The following CMC2 variants were observed in gnomAD, a reference collection of about 807,000 sequenced individuals.
The protein encoded by CMC2 is COX assembly mitochondrial protein 2 homolog.
In CMC2, 5 loss-of-function variants were observed where a neutral mutation model predicts 7.5. That is an observed-to-expected ratio of 0.66 (90% CI 0.35 to 1.40). The LOEUF is 1.40. Ranked by LOEUF, CMC2 falls within the 40% of genes most tolerant of loss-of-function variation. CMC2 has a pLI of 0.04. For missense variants in CMC2, 115 were observed against 92.3 expected (o/e 1.25, Z -1.01); for synonymous variants, 37 against 31.4 (o/e 1.18, Z -0.60).
In CMC2 at chr16:80,971,108, C is replaced by G. The variant is rs1911881380; in HGVS notation, c.*4985G>C. 1 of 152,106 alleles carries G rather than the reference C, an allele frequency of 6.6e-6. No individual in the cohort carries two copies. The highest frequency in any genetic ancestry group is 2.4e-5 in the African/African-American group (1 of 41,400). 9.4% of individuals were successfully genotyped at this position (152,106 alleles called of 1,614,324 possible). A position where few individuals can be genotyped will look rare whatever the true frequency, so the allele number is the denominator to read the frequency against. Reference sequence around the variant, plus strand: ...TGAGATCATACCACTGCACTCCAGCCTGGGTGACAGGGTGAGACTCTGTCT... The same window carrying G: ...TGAGATCATACCACTGCACTCCAGCGTGGGTGACAGGGTGAGACTCTGTCT... On this transcript the variant is annotated 3_prime_UTR_variant, in exon 4 of 4. Coordinates refer to ENST00000219400, the MANE Select transcript of CMC2 (RefSeq NM_020188.5).
chr16:81,001,859 C>A (rs959268310), intron 1 of CMC2, among the ~76,000 whole-genome samples: 2 of 152,096 alleles, frequency 1.3e-5, no homozygotes, highest in African/African-American at 2.4e-5. Flanking sequence ...CACACACACA[C>A]ACACACCACA....
intron 2 of CMC2, among the ~76,000 whole-genome samples, chr16:80,992,706 T>A (rs1968097579): frequency 4.4e-4 from 1 of 2,254 alleles, no homozygotes; most frequent in Admixed American, 9.3e-3. Flanking sequence ...TTCCCCCTCC[T>A]TTTTTTTTTT....
At position 80,971,160 on chromosome 16, in the gene CMC2, C is replaced by T. The variant is rs1022204619; in HGVS notation, c.*4933G>A. Reference sequence around the variant, plus strand: ...AAAAAACAACAACAAAAATACAAATCATAAAATCTTAAAAACATTTGGGGT... The same window carrying T: ...AAAAAACAACAACAAAAATACAAATTATAAAATCTTAAAAACATTTGGGGT... On this transcript the variant is annotated 3_prime_UTR_variant, in exon 4 of 4. Coordinates refer to ENST00000219400, the MANE Select transcript of CMC2 (RefSeq NM_020188.5). 4.6e-5 allele frequency: 7 copies of T among 152,032 alleles called. No homozygotes were observed. The highest frequency in any genetic ancestry group is 1.7e-4 in the African/African-American group (7 of 41,400). The allele number at this position is 152,032 out of a possible 1,614,324, so 9.4% of individuals were successfully genotyped here. A position where few individuals can be genotyped will look rare whatever the true frequency, so the allele number is the denominator to read the frequency against.
intron 1 of CMC2, among the ~76,000 whole-genome samples, chr16:81,003,263 A>G (rs2602415): frequency 1.3e-4 from 20 of 152,016 alleles, no homozygotes; most frequent in Admixed American, 1.2e-3. Context: ...TTAACTCAAA[A>G]TATATTTAAC....
rs1363436019 is a variant in CMC2, at chr16:80,971,598, G to T, written c.*4495C>A. 2 of 114,076 alleles carry T rather than the reference G, an allele frequency of 1.8e-5. No homozygotes were observed. Among genetic ancestry groups the T allele is most frequent in the Non-Finnish European group, 3.4e-5 (2 of 58,980 alleles). 7.1% of individuals were successfully genotyped at this position (114,076 alleles called of 1,614,324 possible). A position where few individuals can be genotyped will look rare whatever the true frequency, so the allele number is the denominator to read the frequency against. On this transcript the variant is annotated 3_prime_UTR_variant, in exon 4 of 4. Coordinates refer to ENST00000219400, the MANE Select transcript of CMC2 (RefSeq NM_020188.5). ...TATATATATATATGTATGAAATCAT[G>T]CATATATATATATGTATGAAATCAT...
rs1403906049 is a variant in CMC2 at position 80,972,149 on chromosome 16, C to G, written c.*3944G>C. On this transcript the variant is annotated 3_prime_UTR_variant, in exon 4 of 4. Transcript: ENST00000219400. ...CAGGAGACTGGTAACAATAAAGCATCCCTTTGCTTTCCCTTCACCACTTTC... is the reference window on the plus strand; with the variant it reads ...CAGGAGACTGGTAACAATAAAGCATGCCTTTGCTTTCCCTTCACCACTTTC... 1.3e-5 allele frequency: 2 copies of G among 152,238 alleles called. No individual in the cohort carries two copies. The highest frequency in any genetic ancestry group is 2.4e-5 in the African/African-American group (1 of 41,444). The allele number at this position is 152,238 out of a possible 1,614,324, so 9.4% of individuals were successfully genotyped here.
intron 2 of CMC2, among the ~76,000 whole-genome samples, chr16:80,995,239 G>T (rs1968316972): frequency 6.6e-6 from 1 of 152,172 alleles, no homozygotes; most frequent in South Asian, 2.1e-4. Context: ...CCATTAATAG[G>T]TAAATAAACT....
chr16:80,975,887 T>C lies in CMC2; in HGVS notation c.*206A>G, dbSNP rs1169854167. 2 of 463,890 alleles carry C rather than the reference T, an allele frequency of 4.3e-6. No individual in the cohort carries two copies. Among genetic ancestry groups the C allele is most frequent in the African/African-American group, 4.1e-5 (2 of 49,050 alleles). The allele number at this position is 463,890 out of a possible 1,614,324, so 28.7% of individuals were successfully genotyped here. A position where few individuals can be genotyped will look rare whatever the true frequency, so the allele number is the denominator to read the frequency against. On this transcript the variant is annotated 3_prime_UTR_variant, in exon 4 of 4. Coordinates refer to ENST00000219400, the MANE Select transcript of CMC2 (RefSeq NM_020188.5). ...AGGGAATAAACATGGTGAAGTCAGGTTTGCTGGTAAAGGGGAGACAGTACT... is the reference window on the plus strand; with the variant it reads ...AGGGAATAAACATGGTGAAGTCAGGCTTGCTGGTAAAGGGGAGACAGTACT...
At chr16:80,982,950 GA>G (rs1297723881) in intron 2 of CMC2, 2 of 183,954 alleles carry the variant, frequency 1.1e-5, no homozygotes, top group Non-Finnish European at 2.2e-5. Context: ...GACATTACAG[GA>G]AAAAGTTGAA....
rs142287888 is a variant in CMC2 at position 80,972,899 on chromosome 16, C to T, written c.*3194G>A. On this transcript the variant is annotated 3_prime_UTR_variant, in exon 4 of 4. Transcript: ENST00000219400. ...ACATCCATCTTATTCCATGGTATCA[C>T]CTGCACCCAGCACAATGCCAGAAGC... is the stretch of plus-strand genomic sequence containing the variant. 1.5e-3 allele frequency: 223 copies of T among 152,486 alleles called. No individual in the cohort carries two copies. The highest frequency in any genetic ancestry group is 5.1e-3 in the African/African-American group (214 of 41,564). The allele number at this position is 152,486 out of a possible 1,614,324, so 9.4% of individuals were successfully genotyped here. A position where few individuals can be genotyped will look rare whatever the true frequency, so the allele number is the denominator to read the frequency against.
chr16:80,969,790 T>A lies in CMC2; in HGVS notation c.*6303A>T, dbSNP rs1911794646. The A allele has an allele frequency of 6.7e-6, 1 of 149,826 alleles. No homozygotes were observed. The highest frequency in any genetic ancestry group is 2.1e-4 in the South Asian group (1 of 4,804). 9.3% of individuals were successfully genotyped at this position (149,826 alleles called of 1,614,324 possible). A position where few individuals can be genotyped will look rare whatever the true frequency, so the allele number is the denominator to read the frequency against. On this transcript the variant is annotated 3_prime_UTR_variant, in exon 4 of 4. Transcript: ENST00000219400. ...CTGTAATCCCAGCTACTTGGGAGGC[T>A]GAGGCACAAGAATCACTTGAACCCA...
intron 1 of CMC2, among the ~76,000 whole-genome samples, chr16:81,002,408 G>A (rs1358511568): frequency 6.6e-6 from 1 of 152,206 alleles, no homozygotes; most frequent in Non-Finnish European, 1.5e-5. Context: ...TTGGGTAACA[G>A]CGCAAGTCTC....
At chr16:80,976,934 A>G (rs894798154) in intron 3 of CMC2, among the ~76,000 whole-genome samples, 4 of 152,196 alleles carry the variant, frequency 2.6e-5, no homozygotes, top group Non-Finnish European at 5.9e-5. Flanking sequence ...AAAGCACTTT[A>G]ACATTAATGC....
chr16:80,980,573 A>G (rs1410333998), intron 3 of CMC2, among the ~76,000 whole-genome samples: 2 of 118,058 alleles, frequency 1.7e-5, no homozygotes, highest in African/African-American at 6.6e-5. Flanking sequence ...ATAAAGGACA[A>G]ACATTTTTAG....
rs1433702668 is a variant in CMC2, at chr16:80,975,873, A to G, written c.*220T>C. 2.3e-6 allele frequency: 1 copy of G among 434,262 alleles called. No homozygotes were observed. Among genetic ancestry groups the G allele is most frequent in the Non-Finnish European group, 4.1e-6 (1 of 244,940 alleles). The allele number at this position is 434,262 out of a possible 1,614,324, so 26.9% of individuals were successfully genotyped here. A position where few individuals can be genotyped will look rare whatever the true frequency, so the allele number is the denominator to read the frequency against. ...CTGGTTGTAGGCAAAGGGAATAAAC[A>G]TGGTGAAGTCAGGTTTGCTGGTAAA... On this transcript the variant is annotated 3_prime_UTR_variant, in exon 4 of 4. Coordinates refer to ENST00000219400, the MANE Select transcript of CMC2 (RefSeq NM_020188.5).
intron 2 of CMC2, among the ~76,000 whole-genome samples, chr16:80,986,024 C>A (rs953991294): frequency 6.6e-6 from 1 of 151,166 alleles, no homozygotes; most frequent in Non-Finnish European, 1.5e-5. Flanking sequence ...ACATTTATAA[C>A]GCATTGTATA....
In CMC2 at chr16:81,006,774, C is replaced by T; in HGVS notation, c.-76G>A. 1 of 985,702 alleles carries T rather than the reference C, an allele frequency of 1.0e-6. No individual in the cohort carries two copies. Among genetic ancestry groups the T allele is most frequent in the Non-Finnish European group, 1.2e-6 (1 of 830,156 alleles). The allele number at this position is 985,702 out of a possible 1,614,324, so 61.1% of individuals were successfully genotyped here. A position where few individuals can be genotyped will look rare whatever the true frequency, so the allele number is the denominator to read the frequency against. On this transcript the variant is annotated 5_prime_UTR_variant, in exon 1 of 4. Transcript: ENST00000219400. Reference sequence around the variant, plus strand: ...ACCGGGAGAACTGAAGCGGCAGTAGCCGGCGGAGACGCCCGACCCGAAGGC... The same window carrying T: ...ACCGGGAGAACTGAAGCGGCAGTAGTCGGCGGAGACGCCCGACCCGAAGGC...
At position 80,973,361 on chromosome 16, in the gene CMC2, C is replaced by T. The variant is rs138830541; in HGVS notation, c.*2732G>A. The T allele has an allele frequency of 4.9e-4, 74 of 152,254 alleles. No homozygotes were observed. The highest frequency in any genetic ancestry group is 1.8e-3 in the African/African-American group (73 of 41,534). The allele number at this position is 152,254 out of a possible 1,614,324, so 9.4% of individuals were successfully genotyped here. Reference sequence around the variant, plus strand: ...CTACCAAACTACGGAGGAAGTGTTTCCAATACCCCAATTTGGGTGCACTTG... The same window carrying T: ...CTACCAAACTACGGAGGAAGTGTTTTCAATACCCCAATTTGGGTGCACTTG... On this transcript the variant is annotated 3_prime_UTR_variant, in exon 4 of 4. Transcript: ENST00000219400.
chr16:80,983,134 T>C (rs1479535487), intron 2 of CMC2: 1 of 153,218 alleles, frequency 6.5e-6, no homozygotes, highest in Non-Finnish European at 1.5e-5. Context: ...CTTTATTGCA[T>C]GAATACAATA....
Sources: gnomAD v4.1 joint callset for allele counts (sites outside exome capture counted in the v4.1 genomes callset) on GRCh38, gnomAD v4.1.1 for gene constraint, MANE v1.5 for transcripts, NCBI Gene and HGNC (gene_info 2026-07-23, HGNC 2026-07-21) for gene names.